The following ZNF451 variants were observed in gnomAD, a reference collection of about 807,000 sequenced individuals.
ZNF451 encodes zinc finger protein 451.
ZNF451 carries 80 observed loss-of-function variants against 107.1 expected under a neutral mutation model. That is an observed-to-expected ratio of 0.75 (90% CI 0.62 to 0.90). The LOEUF (loss-of-function observed/expected upper bound fraction) is 0.90, where lower values mean the gene tolerates loss of function less well. Among genes scored for constraint, ZNF451 ranks in the 40% least tolerant of loss-of-function variants. The pLI, the probability that ZNF451 is intolerant of heterozygous loss-of-function variation, is 0.00. For missense variants in ZNF451, 1,107 were observed against 1,236.2 expected, an observed-to-expected ratio of 0.90 and a Z score of 1.57; for synonymous variants, 362 against 406.5, an observed-to-expected ratio of 0.89 and a Z score of 1.32.
At chr6:57,105,135 T>G (rs1326486380) in intron 3 of ZNF451, 1 of 985,262 alleles carries the variant, frequency 1.0e-6, no homozygotes, top group East Asian at 1.1e-4. Flanking sequence ...ATATTATGCC[T>G]GCCATGTTCA....
Position 57,128,850 on chromosome 6 carries a change from A to G in ZNF451, c.424+10A>G, listed in dbSNP as rs754996413. ...TGGCTAAAAATGCCAGGTATTCTTT[A>G]GAAATTACACTAAGGTTACCTAGCT... On this transcript the variant is annotated intron_variant, in intron 5 of 14. Transcript: ENST00000370706. The G allele has an allele frequency of 3.1e-6, 5 of 1,596,320 alleles. No homozygotes were observed. The African/African-American group carries it at 6.7e-5, about 22-fold the overall frequency.
intron 14 of ZNF451, among the ~76,000 whole-genome samples, chr6:57,167,955 C>T (rs1010584738): frequency 1.3e-5 from 2 of 152,110 alleles, no homozygotes; most frequent in Non-Finnish European, 1.5e-5. Context: ...TGCTAGGATG[C>T]TTTAAGCTAA....
At chr6:57,131,121 T>C (rs1831158627) in intron 5 of ZNF451, among the ~76,000 whole-genome samples, 2 of 152,172 alleles carry the variant, frequency 1.3e-5, no homozygotes, top group Admixed American at 6.5e-5. Flanking sequence ...TCATTCAATC[T>C]ATTTCAAAAT....
At chr6:57,138,785 ATAT>A (rs1304411601) in intron 7 of ZNF451, among the ~76,000 whole-genome samples, 18 of 98,308 alleles carry the variant, frequency 1.8e-4, no homozygotes, top group African/African-American at 3.4e-4. Flanking sequence ...GTATATATAT[ATAT>A]AAAATTTTTT....
rs561009467 is a variant in ZNF451 at position 57,107,983 on chromosome 6, C to T, written c.186+8842C>T. 8 of 461,616 alleles carry T rather than the reference C, an allele frequency of 1.7e-5. 1 individual carries two copies. In the South Asian group the frequency reaches 4.6e-4, roughly 27 times the overall value. 28.6% of individuals were successfully genotyped at this position (461,616 alleles called of 1,614,324 possible). A position where few individuals can be genotyped will look rare whatever the true frequency, so the allele number is the denominator to read the frequency against. On this transcript the variant is annotated intron_variant, in intron 3 of 14. Coordinates refer to ENST00000370706, the MANE Select transcript of ZNF451 (RefSeq NM_001031623.3). Reference sequence around the variant, plus strand: ...CCTCCTGAGTAGCTGGGACTACAGGCGCCCGCCACCACACCCGGCGAATTT... The same window carrying T: ...CCTCCTGAGTAGCTGGGACTACAGGTGCCCGCCACCACACCCGGCGAATTT...
chr6:57,115,996 C>G (rs1319175430), intron 3 of ZNF451: 6 of 152,126 alleles, frequency 3.9e-5, no homozygotes, highest in Non-Finnish European at 8.8e-5. Context: ...CAATTCAATT[C>G]TAGCTTGAGA....
At chr6:57,134,445 T>TAA (rs961967631) in intron 6 of ZNF451, among the ~76,000 whole-genome samples, 1 of 152,214 alleles carries the variant, frequency 6.6e-6, no homozygotes, top group Non-Finnish European at 1.5e-5. Context: ...ATGCTGGACT[T>TAA]ACAATTTTCA....
intron 3 of ZNF451, among the ~76,000 whole-genome samples, chr6:57,123,672 G>GAA (rs929301156): frequency 1.4e-5 from 2 of 143,000 alleles, no homozygotes; most frequent in African/African-American, 5.1e-5. Flanking sequence ...AAATAAAAAT[G>GAA]AAAAAAAAAA....
At chr6:57,121,679 G>T (rs1203200930) in intron 3 of ZNF451, among the ~76,000 whole-genome samples, 1 of 152,164 alleles carries the variant, frequency 6.6e-6, no homozygotes, top group East Asian at 1.9e-4. Flanking sequence ...TAACCAAGGT[G>T]TGAAAGATCT....
At chr6:57,130,604 G>A (rs1831137741) in intron 5 of ZNF451, among the ~76,000 whole-genome samples, 1 of 152,086 alleles carries the variant, frequency 6.6e-6, no homozygotes, top group African/African-American at 2.4e-5. Context: ...ACACTTTCAA[G>A]TCCTATACAG....
intron 6 of ZNF451, among the ~76,000 whole-genome samples, chr6:57,133,956 G>A (rs1298698979): frequency 2.6e-5 from 4 of 152,188 alleles, no homozygotes; most frequent in Admixed American, 6.5e-5. Flanking sequence ...GATTACAGGC[G>A]TGAGCCACCG....
At chr6:57,159,395 G>A in intron 13 of ZNF451, 1 of 985,310 alleles carries the variant, frequency 1.0e-6, no homozygotes. Context: ...AAAGCTGTGG[G>A]TATTTTCCTT....
At chr6:57,150,695 A>G in intron 10 of ZNF451, 24 bp from the exon 11 acceptor site, 1 of 1,578,802 alleles carries the variant, frequency 6.3e-7, no homozygotes, top group Non-Finnish European at 8.6e-7. Context: ...TACTGAACTC[A>G]TGTTGATATT....
chr6:57,169,302 C>T lies in ZNF451; in HGVS notation c.*833C>T, dbSNP rs1341661020. The T allele has an allele frequency of 6.6e-6, 1 of 152,096 alleles. No individual in the cohort carries two copies. Among genetic ancestry groups the T allele is most frequent in the Non-Finnish European group, 1.5e-5 (1 of 67,974 alleles). The allele number at this position is 152,096 out of a possible 1,614,324, so 9.4% of individuals were successfully genotyped here. On this transcript the variant is annotated 3_prime_UTR_variant, in exon 15 of 15. Transcript: ENST00000370706. ...TGAAAGCCTACTCAGGAATAATCTT[C>T]CTTAACTCTTTAAATTTTTATTTCA...
intron 3 of ZNF451, chr6:57,108,657 T>C: frequency 1.0e-6 from 1 of 985,476 alleles, no homozygotes; most frequent in Non-Finnish European, 1.2e-6. Flanking sequence ...TTGATCTTTC[T>C]TTAATGGCTT....
chr6:57,153,632 C>A (rs536026516), intron 12 of ZNF451, among the ~76,000 whole-genome samples: 4 of 152,184 alleles, frequency 2.6e-5, no homozygotes, highest in Admixed American at 2.6e-4. Flanking sequence ...GGGCTGGTCT[C>A]GAACTCCTGA....
intron 7 of ZNF451, among the ~76,000 whole-genome samples, chr6:57,138,735 A>ATGTGTG (rs1831580311): frequency 5.7e-5 from 6 of 104,982 alleles, no homozygotes; most frequent in African/African-American, 2.5e-4. Flanking sequence ...ATATATATAT[A>ATGTGTG]TATATATGTG....
Position 57,134,814 on chromosome 6 carries a change from G to A in ZNF451, c.646G>A (p.Val216Ile), listed in dbSNP as rs749637191. The change falls in exon 7 of 15, where the codon GTA becomes ATA. Residue 216 changes from valine (V) to isoleucine (I), a missense_variant. By Grantham distance (29) the Val-to-Ile change is conservative. This residue lies in a region of ZNF451 where 339 missense variants were observed against 372.8 expected (regional missense o/e 0.91). Coordinates refer to ENST00000370706, the MANE Select transcript of ZNF451 (RefSeq NM_001031623.3). ...GPFFSSFACV[V>I]CYKKFVTQQQ... ...TTTCTTCAGCTCCTTTGCTTGTGTA[G>A]TATGTTATAAAAAATTTGTTACTCA... The A allele has an allele frequency of 6.2e-6, 10 of 1,612,102 alleles. No homozygotes were observed. The Middle Eastern group carries it at 5.3e-4, about 86-fold the overall frequency.
At chr6:57,112,719 G>A (rs574184928) in intron 3 of ZNF451, among the ~76,000 whole-genome samples, 1 of 152,132 alleles carries the variant, frequency 6.6e-6, no homozygotes, top group African/African-American at 2.4e-5. Flanking sequence ...TTATATCACC[G>A]TGTGTGGTAT....
Sources: allele counts gnomAD v4.1 joint callset (sites outside exome capture counted in the v4.1 genomes callset), GRCh38; gene constraint gnomAD v4.1.1; regional missense constraint gnomAD v4.1.1; transcripts MANE v1.5; gene names NCBI Gene and HGNC (gene_info 2026-07-23, HGNC 2026-07-21).